The following SCFD2 variants were observed in gnomAD, a reference collection of about 807,000 sequenced individuals.
The protein encoded by SCFD2 is sec1 family domain-containing protein 2.
Under a neutral mutation model 58.9 loss-of-function variants are expected in SCFD2, and 54 were observed. The ratio of observed to expected loss-of-function variants is 0.92; its 90% confidence interval spans 0.74 to 1.15. The LOEUF is 1.15. Ranked by LOEUF, SCFD2 falls within the 50% of genes most tolerant of loss-of-function variation. The pLI is 0.00. For synonymous variants in SCFD2, 321 were observed against 335.9 expected, an observed-to-expected ratio of 0.96 and a Z score of 0.49; for missense variants, 805 against 836.6, an observed-to-expected ratio of 0.96 and a Z score of 0.47.
chr4:53,205,002 A>G (rs1294212194), intron 4 of SCFD2, among the ~76,000 whole-genome samples: 3 of 152,032 alleles, frequency 2.0e-5, no homozygotes, highest in East Asian at 1.9e-4. Context: ...CAGCTTTTCA[A>G]TATATCAAAG....
Position 52,915,672 on chromosome 4 carries a change from A to G in SCFD2, c.1707+5053T>C, listed in dbSNP as rs535580685. ...ATTTGAGTATAGCCCCTTCAATTCA[A>G]TATGAGGAAGGTGAAGCCCAAACAC... is the stretch of plus-strand genomic sequence containing the variant. On this transcript the variant is annotated intron_variant, in intron 6 of 8. Transcript: ENST00000401642. Among the ~76,000 whole-genome samples, 14 of 152,312 alleles carry G rather than the reference A, an allele frequency of 9.2e-5. 1 individual carries two copies. In the South Asian group the frequency reaches 2.7e-3, roughly 29 times the overall value.
intron 5 of SCFD2, among the ~76,000 whole-genome samples, chr4:52,979,907 T>C (rs1444633505): frequency 6.6e-6 from 1 of 152,116 alleles, no homozygotes; most frequent in East Asian, 1.9e-4. Context: ...CCCCAATATC[T>C]GTCACCAGTT....
At chr4:52,931,873 T>A (rs747189278) in intron 5 of SCFD2, among the ~76,000 whole-genome samples, 2 of 152,138 alleles carry the variant, frequency 1.3e-5, no homozygotes, top group Non-Finnish European at 2.9e-5. Flanking sequence ...TACCTTCTTA[T>A]CCTCCACGCT....
At chr4:53,047,295 A>C (rs1723066047) in intron 5 of SCFD2, among the ~76,000 whole-genome samples, 1 of 152,118 alleles carries the variant, frequency 6.6e-6, no homozygotes, top group South Asian at 2.1e-4. Context: ...AAAAAATTAA[A>C]AAATTAGGCA....
At chr4:52,989,545 T>C (rs562787783) in intron 5 of SCFD2, among the ~76,000 whole-genome samples, 1 of 152,216 alleles carries the variant, frequency 6.6e-6, no homozygotes, top group Admixed American at 6.5e-5. Flanking sequence ...AAAGAAGGAA[T>C]AGAATGCCTG....
At chr4:53,078,781 G>T (rs945588115) in intron 5 of SCFD2, among the ~76,000 whole-genome samples, 34 of 152,142 alleles carry the variant, frequency 2.2e-4, no homozygotes, top group African/African-American at 8.0e-4. Flanking sequence ...TATCCACAAT[G>T]CTGTATTTAC....
Position 53,123,459 on chromosome 4 carries a change from G to C in SCFD2, c.1561+21874C>G, listed in dbSNP as rs1301853643. Among the ~76,000 whole-genome samples, 7 of 148,432 alleles carry C rather than the reference G, an allele frequency of 4.7e-5. No individual in the cohort carries two copies. The Admixed American group carries it at 4.7e-4, about 10-fold the overall frequency. On this transcript the variant is annotated intron_variant, in intron 5 of 8. Transcript: ENST00000401642. The stretch of plus-strand genomic sequence containing the variant: ...GGAAACCAACAGTGGGGACTGTCCA[G>C]TGCCAGAGACAGCTGAGGGAGCAGC...
intron 4 of SCFD2, among the ~76,000 whole-genome samples, chr4:53,163,091 G>A (rs1454220403): frequency 6.6e-6 from 1 of 152,096 alleles, no homozygotes; most frequent in African/African-American, 2.4e-5. Flanking sequence ...GCAGAAACCT[G>A]CAGGCTCAGT....
intron 5 of SCFD2, among the ~76,000 whole-genome samples, chr4:52,928,785 A>G (rs301128): frequency 0.24 from 36,008 of 152,090 alleles, 5,261 homozygotes; most frequent in East Asian, 0.51. Context: ...GGGAGCAGAG[A>G]CTCTGGACTC....
At chr4:53,063,638 C>T (rs181776302) in intron 5 of SCFD2, among the ~76,000 whole-genome samples, 1 of 152,110 alleles carries the variant, frequency 6.6e-6, no homozygotes, top group Non-Finnish European at 1.5e-5. Flanking sequence ...ATCTGTCTGA[C>T]TCTAGGACAA....
intron 5 of SCFD2, among the ~76,000 whole-genome samples, chr4:53,043,015 G>C (rs920497746): frequency 2.0e-5 from 3 of 152,144 alleles, no homozygotes; most frequent in Admixed American, 2.0e-4. Context: ...CAGGGCCACA[G>C]ACACTACTTC....
chr4:53,208,008 G>T (rs189420271), intron 4 of SCFD2, among the ~76,000 whole-genome samples: 1 of 150,280 alleles, frequency 6.7e-6, no homozygotes, highest in Non-Finnish European at 1.5e-5. Flanking sequence ...CTAGGCTGGA[G>T]TACAGTAGCA....
chr4:53,248,922 T>C (rs781155385), intron 4 of SCFD2, among the ~76,000 whole-genome samples: 1 of 152,218 alleles, frequency 6.6e-6, no homozygotes, highest in African/African-American at 2.4e-5. Flanking sequence ...AGGAACGCAG[T>C]TCCTCACCAG....
At chr4:53,119,396 G>A (rs543893180) in intron 5 of SCFD2, among the ~76,000 whole-genome samples, 3 of 151,744 alleles carry the variant, frequency 2.0e-5, no homozygotes, top group Admixed American at 6.6e-5. Flanking sequence ...CACAAGAATC[G>A]TTTGAACCCA....
intron 4 of SCFD2, among the ~76,000 whole-genome samples, chr4:53,252,889 G>C (rs1263280769): frequency 6.6e-6 from 1 of 152,042 alleles, no homozygotes; most frequent in Non-Finnish European, 1.5e-5. Flanking sequence ...TTGACAAATG[G>C]GATCTCATTA....
chr4:52,899,946 T>G (rs1719139631), intron 7 of SCFD2, among the ~76,000 whole-genome samples: 1 of 152,248 alleles, frequency 6.6e-6, no homozygotes, highest in Non-Finnish European at 1.5e-5. Flanking sequence ...TCGCATCGGT[T>G]ACTTAGGCTT....
intron 5 of SCFD2, among the ~76,000 whole-genome samples, chr4:52,923,439 C>A (rs1719789078): frequency 6.6e-6 from 1 of 151,560 alleles, no homozygotes; most frequent in Non-Finnish European, 1.5e-5. Context: ...GATCGTGCCA[C>A]AGCACTCCAG....
At chr4:52,889,193 T>C (rs1718824293) in intron 7 of SCFD2, among the ~76,000 whole-genome samples, 1 of 152,176 alleles carries the variant, frequency 6.6e-6, no homozygotes. Flanking sequence ...AGTTTGGCCA[T>C]ACCCCATCCA....
chr4:53,119,324 A>C (rs1426657356), intron 5 of SCFD2, among the ~76,000 whole-genome samples: 1 of 151,606 alleles, frequency 6.6e-6, no homozygotes, highest in Non-Finnish European at 1.5e-5. Context: ...TCTCAAAAAA[A>C]AAAAAAAATA....
Sources: gnomAD v4.1 joint callset for allele counts (sites outside exome capture counted in the v4.1 genomes callset) on GRCh38, gnomAD v4.1.1 for gene constraint, MANE v1.5 for transcripts, NCBI Gene and HGNC (gene_info 2026-07-23, HGNC 2026-07-21) for gene names.